The following ANKRD28 variants were observed in gnomAD, a reference collection of about 807,000 sequenced individuals.
The protein encoded by ANKRD28 is serine/threonine-protein phosphatase 6 regulatory ankyrin repeat subunit A.
ANKRD28 carries 44 observed loss-of-function variants against 126.5 expected under a neutral mutation model. The ratio of observed to expected loss-of-function variants is 0.35; its 90% CI spans 0.27 to 0.45. The LOEUF (loss-of-function observed/expected upper bound fraction) is 0.45. Among genes scored for constraint, ANKRD28 ranks in the 20% least tolerant of loss-of-function variants. The pLI is 1.00. For missense variants in ANKRD28, 1,110 were observed against 1,316.6 expected (o/e 0.84, Z 2.43); for synonymous variants, 442 against 468.5 (o/e 0.94, Z 0.73).
rs1553638985 is a variant in ANKRD28 at position 15,797,210 on chromosome 3, A to AAC, written c.-690_-689insGT. On this transcript the variant is annotated 5_prime_UTR_variant, in exon 1 of 28. The change abolishes the stop of an existing upstream ORF in the 5' untranslated region. Transcript: ENST00000683139. ...TGGGAAAGGGGCAAAAAACAAAAAC[A>AAC]AAAAAAAAAAAACCACTCTGCATTA... 11 of 540,018 alleles carry AAC rather than the reference A, an allele frequency of 2.0e-5. No homozygotes were observed. Among genetic ancestry groups the AAC allele is most frequent in the Admixed American group, 5.1e-4 (2 of 3,930 alleles). The allele number at this position is 540,018 out of a possible 1,614,324, so 33.5% of individuals were successfully genotyped here. A position where few individuals can be genotyped will look rare whatever the true frequency, so the allele number is the denominator to read the frequency against.
intron 25 of ANKRD28, 49 bp downstream of exon 25, chr3:15,677,431 T>C (rs2067059178): frequency 2.8e-6 from 4 of 1,405,154 alleles, no homozygotes; most frequent in Middle Eastern, 1.8e-4. Context: ...ACTTTTAAGG[T>C]CACTGTTAAT....
chr3:15,675,170 C>G (rs1273426634), intron 27 of ANKRD28, among the ~76,000 whole-genome samples: 1 of 152,130 alleles, frequency 6.6e-6, no homozygotes, highest in African/African-American at 2.4e-5. Flanking sequence ...CCTGGGCAGG[C>G]TGAGGCATGA....
intron 1 of ANKRD28, among the ~76,000 whole-genome samples, chr3:15,851,529 G>A (rs115999067): frequency 0.025 from 3,778 of 151,166 alleles, 164 homozygotes; most frequent in African/African-American, 0.086. Flanking sequence ...GAGTGACAAA[G>A]TGAGACTCTG....
chr3:15,808,909 T>C (rs1439524105), intron 1 of ANKRD28, among the ~76,000 whole-genome samples: 1 of 152,194 alleles, frequency 6.6e-6, no homozygotes, highest in African/African-American at 2.4e-5. Context: ...ACCTCTCTTC[T>C]TGTTGCGTCC....
At chr3:15,695,496 T>A (rs778026758) in intron 15 of ANKRD28, among the ~76,000 whole-genome samples, 4 of 152,170 alleles carry the variant, frequency 2.6e-5, no homozygotes, top group Non-Finnish European at 5.9e-5. Flanking sequence ...TTTTCTTGTT[T>A]TATATCTACG....
chr3:15,753,446 C>T (rs1242077719), intron 3 of ANKRD28, among the ~76,000 whole-genome samples: 1 of 152,230 alleles, frequency 6.6e-6, no homozygotes, highest in African/African-American at 2.4e-5. Flanking sequence ...CAATGGTTCT[C>T]TTTAAGCCCT....
intron 1 of ANKRD28, among the ~76,000 whole-genome samples, chr3:15,828,796 C>T (rs1357899716): frequency 1.3e-5 from 2 of 152,122 alleles, no homozygotes; most frequent in African/African-American, 2.4e-5. Context: ...GAAACCTTAC[C>T]AAAGCACAAA....
intron 4 of ANKRD28, among the ~76,000 whole-genome samples, chr3:15,741,122 C>T (rs1219172829): frequency 6.6e-6 from 1 of 152,064 alleles, no homozygotes; most frequent in Non-Finnish European, 1.5e-5. Context: ...TGGCATGAAC[C>T]TGGGAGGCGG....
chr3:15,675,996 GA>G lies in ANKRD28; in HGVS notation c.2874-8del. 1.2e-6 allele frequency: 2 copies of G among 1,608,130 alleles called. No individual in the cohort carries two copies. The highest frequency in any genetic ancestry group is 8.5e-7 in the Non-Finnish European group (1 of 1,176,714). ...GGCAGCAACATGCAGAGGTCTAGGG[GA>G]AAAAACATGATACATGTACACATAT... On this transcript the variant is annotated splice_region_variant and splice_polypyrimidine_tract_variant and intron_variant, in intron 26 of 27. Coordinates refer to ENST00000683139, the MANE Select transcript of ANKRD28 (RefSeq NM_001349278.2).
intron 5 of ANKRD28, among the ~76,000 whole-genome samples, chr3:15,736,587 C>T (rs1034716630): frequency 9.2e-5 from 14 of 152,188 alleles, no homozygotes; most frequent in East Asian, 1.9e-4. Flanking sequence ...GCACAGACAA[C>T]GTTTGTTGTG....
At chr3:15,804,300 A>G (rs1349184551) in intron 1 of ANKRD28, among the ~76,000 whole-genome samples, 5 of 145,502 alleles carry the variant, frequency 3.4e-5, no homozygotes, top group Non-Finnish European at 6.0e-5. Context: ...CATAGGAAAG[A>G]GTGTAGCATA....
Position 15,677,506 on chromosome 3 carries a change from T to C in ANKRD28, c.2764A>G (p.Thr922Ala). 1 of 1,613,042 alleles carries C rather than the reference T, an allele frequency of 6.2e-7. No homozygotes were observed. The highest frequency in any genetic ancestry group is 8.5e-7 in the Non-Finnish European group (1 of 1,179,220). Residue 922 changes from threonine to alanine, a missense_variant, in exon 25 of 28, where the codon ACT becomes GCT. Coordinates refer to ENST00000683139, the MANE Select transcript of ANKRD28 (RefSeq NM_001349278.2). The part of the protein sequence containing the change: ...ELTLQDNSKN[T>A]ALHLACSKGH... ...TTGCTACAAGCCAAATGGAGGGCAG[T>C]ATTTTTACTGTTATCTTGTAAAGTC...
At chr3:15,717,502 T>A (rs147334928) in intron 8 of ANKRD28, among the ~76,000 whole-genome samples, 1 of 150,812 alleles carries the variant, frequency 6.6e-6, no homozygotes, top group Admixed American at 6.6e-5. Flanking sequence ...CAAATCACTT[T>A]AGCAGAAAAC....
Position 15,814,396 on chromosome 3 carries a change from A to C in ANKRD28, c.28-19090T>G, listed in dbSNP as rs2060789943. The C allele has an allele frequency of 1.7e-6, 1 of 586,334 alleles. No homozygotes were observed. 36.3% of individuals were successfully genotyped at this position (586,334 alleles called of 1,614,324 possible). On this transcript the variant is annotated intron_variant, in intron 1 of 27. Transcript: ENST00000399451. The surrounding 1 kb of genome is among the most constrained non-coding windows in gnomAD (Gnocchi z 4.7). Reference sequence around the variant, plus strand: ...TTATTTATAAATAACTAGTACCTTAACAAAACATTGAATTATTGGATAATA... The same window carrying C: ...TTATTTATAAATAACTAGTACCTTACCAAAACATTGAATTATTGGATAATA...
At chr3:15,743,965 G>A (rs1200934961) in intron 4 of ANKRD28, among the ~76,000 whole-genome samples, 1 of 152,196 alleles carries the variant, frequency 6.6e-6, no homozygotes, top group East Asian at 1.9e-4. Context: ...AGCTTGCACA[G>A]GATTTAATTC....
rs996716314 is a variant in ANKRD28 at position 15,673,438 on chromosome 3, T to A, written c.2965+2460A>T. ...CACTATTTAGAACACTAAGAATATA[T>A]CAGTGAATGCAACTGACAAAGATTT... On this transcript the variant is annotated intron_variant, in intron 27 of 27. Coordinates refer to ENST00000683139, the MANE Select transcript of ANKRD28 (RefSeq NM_001349278.2). Among the ~76,000 whole-genome samples the A allele has an allele frequency of 2.0e-5, 3 of 152,204 alleles. No individual in the cohort carries two copies. In the East Asian group the frequency reaches 5.8e-4, roughly 29 times the overall value.
intron 1 of ANKRD28, among the ~76,000 whole-genome samples, chr3:15,824,854 T>G (rs1384619751): frequency 6.6e-6 from 1 of 152,192 alleles, no homozygotes; most frequent in Non-Finnish European, 1.5e-5. Flanking sequence ...GATGCAAAGT[T>G]GACCAGGATG....
intron 8 of ANKRD28, among the ~76,000 whole-genome samples, chr3:15,718,417 AAATT>A (rs1456891492): frequency 6.6e-6 from 1 of 152,164 alleles, no homozygotes; most frequent in Non-Finnish European, 1.5e-5. Flanking sequence ...TGAGTTTTCT[AAATT>A]ATTAAGGAGG....
chr3:15,784,936 C>A lies in ANKRD28; in HGVS notation c.201+10287G>T, dbSNP rs79855544. On this transcript the variant is annotated intron_variant, in intron 2 of 27. Transcript: ENST00000683139. ...TTTGGAACTCTGTCATATAATGAAG[C>A]CTTGCTACTTTCAAGGAAAGACTCA... Among the ~76,000 whole-genome samples, 109 of 151,986 alleles carry A rather than the reference C, an allele frequency of 7.2e-4. 2 individuals are homozygous for A. The highest frequency in any genetic ancestry group is 4.8e-3 in the South Asian group (23 of 4,822).
Sources: allele counts gnomAD v4.1 joint callset (sites outside exome capture counted in the v4.1 genomes callset), GRCh38; gene constraint gnomAD v4.1.1; non-coding constraint Gnocchi (gnomAD v3.1); transcripts MANE v1.5; gene names NCBI Gene and HGNC (gene_info 2026-07-23, HGNC 2026-07-21).